The following MGAT5 variants were observed in gnomAD, a reference collection of about 807,000 sequenced individuals.
The protein encoded by MGAT5 is alpha-1,6-mannosylglycoprotein 6-beta-N-acetylglucosaminyltransferase, also known as alpha-1,6-mannosylglycoprotein 6-beta-N-acetylglucosaminyltransferase A.
A neutral mutation model predicts 94.3 loss-of-function variants in MGAT5; 30 were observed. The ratio of observed to expected loss-of-function variants is 0.32; its 90% confidence interval spans 0.24 to 0.43. MGAT5 has a LOEUF of 0.43. Ranked by LOEUF, MGAT5 falls within the 20% of genes least tolerant of loss-of-function variation. MGAT5 has a pLI of 1.00. For synonymous variants in MGAT5, 310 were observed against 322.9 expected (o/e 0.96, Z 0.43); for missense variants, 691 against 905.5 (o/e 0.76, Z 3.04).
chr2:134,194,553 T>G (rs1679403345), intron 1 of MGAT5, among the ~76,000 whole-genome samples: 1 of 152,178 alleles, frequency 6.6e-6, no homozygotes, highest in African/African-American at 2.4e-5. Context: ...TAATAATAAG[T>G]GTTCGAATCA....
chr2:134,198,783 A>G (rs972460681), intron 1 of MGAT5, among the ~76,000 whole-genome samples: 4 of 152,188 alleles, frequency 2.6e-5, no homozygotes, highest in Non-Finnish European at 5.9e-5. Context: ...ACTGCTTTGC[A>G]TTCTTCATCT....
At chr2:134,242,859 A>G (rs774230484) in intron 1 of MGAT5, among the ~76,000 whole-genome samples, 1 of 152,208 alleles carries the variant, frequency 6.6e-6, no homozygotes, top group Non-Finnish European at 1.5e-5. Flanking sequence ...ATTATTCTCT[A>G]CAAGTCCTTC....
At chr2:134,336,566 T>C (rs1201044565) in intron 5 of MGAT5, among the ~76,000 whole-genome samples, 1 of 152,128 alleles carries the variant, frequency 6.6e-6, no homozygotes, top group Non-Finnish European at 1.5e-5. Context: ...CTAATAAGGC[T>C]GATGGCAAAT....
chr2:134,269,950 A>G (rs1319919582), intron 1 of MGAT5, among the ~76,000 whole-genome samples: 2 of 152,252 alleles, frequency 1.3e-5, no homozygotes, highest in East Asian at 3.8e-4. Context: ...AACACTTTTT[A>G]AAAAACTGGG....
At chr2:134,351,990 T>C (rs958188646) in intron 9 of MGAT5, among the ~76,000 whole-genome samples, 1 of 152,162 alleles carries the variant, frequency 6.6e-6, no homozygotes, top group African/African-American at 2.4e-5. Context: ...ATTTTTAAAC[T>C]GCACCAAGAT....
chr2:134,318,877 C>T (rs945991187), intron 4 of MGAT5, 138 bp downstream of exon 4: 18 of 533,928 alleles, frequency 3.4e-5, no homozygotes, highest in Middle Eastern at 2.9e-4. Flanking sequence ...CATTACTCTC[C>T]CTACCTCTCC....
intron 1 of MGAT5, among the ~76,000 whole-genome samples, chr2:134,123,777 T>C (rs1045369765): frequency 1.3e-5 from 2 of 152,120 alleles, no homozygotes; most frequent in Admixed American, 1.3e-4. Flanking sequence ...AGGGAGGAAA[T>C]AATTTTATAC....
chr2:134,275,240 T>G (rs1452603420), intron 2 of MGAT5, among the ~76,000 whole-genome samples: 1 of 152,188 alleles, frequency 6.6e-6, no homozygotes, highest in Non-Finnish European at 1.5e-5. Context: ...GGCTTCCTAT[T>G]AAGTTGAGCA....
chr2:134,259,166 G>A (rs1683164220), intron 1 of MGAT5, among the ~76,000 whole-genome samples: 1 of 152,192 alleles, frequency 6.6e-6, no homozygotes, highest in South Asian at 2.1e-4. Context: ...AACTCTGTCA[G>A]TCCAGAGAGG....
intron 4 of MGAT5, among the ~76,000 whole-genome samples, chr2:134,327,610 G>T (rs188752066): frequency 6.6e-6 from 1 of 152,096 alleles, no homozygotes; most frequent in Admixed American, 6.6e-5. Context: ...AGAGCATTGC[G>T]CAATTTAAAA....
At chr2:134,200,252 T>G (rs1679718858) in intron 1 of MGAT5, among the ~76,000 whole-genome samples, 1 of 149,714 alleles carries the variant, frequency 6.7e-6, no homozygotes, top group Admixed American at 6.8e-5. Context: ...GACACCATAG[T>G]GGTCACGCTT....
chr2:134,415,733 C>A (rs1359130865), intron 12 of MGAT5, among the ~76,000 whole-genome samples: 1 of 151,784 alleles, frequency 6.6e-6, no homozygotes, highest in Admixed American at 6.6e-5. Flanking sequence ...TTTTTTTCCT[C>A]GTAGTTGTGC....
chr2:134,432,251 T>C (rs1184536508), intron 14 of MGAT5, among the ~76,000 whole-genome samples: 1 of 152,220 alleles, frequency 6.6e-6, no homozygotes, highest in East Asian at 1.9e-4. Flanking sequence ...CTGTTTCCTG[T>C]AAAGACACTG....
At chr2:134,345,132 G>C in intron 8 of MGAT5, 68 bp downstream of exon 8, 3 of 1,519,678 alleles carry the variant, frequency 2.0e-6, no homozygotes, top group Admixed American at 1.9e-5. Context: ...GCATGGTTGT[G>C]GGTAGAAAAA....
Position 134,386,819 on chromosome 2 carries a change from T to C in MGAT5, c.1381-16169T>C, listed in dbSNP as rs113177723. Among the ~76,000 whole-genome samples the C allele has an allele frequency of 4.5e-4, 68 of 152,304 alleles. 1 individual carries two copies. Among genetic ancestry groups the C allele is most frequent in the African/African-American group, 1.5e-3 (63 of 41,576 alleles). On this transcript the variant is annotated intron_variant, in intron 10 of 15. Coordinates refer to ENST00000281923, the MANE Select transcript of MGAT5 (RefSeq NM_002410.5). Reference sequence around the variant, plus strand: ...GAAAAGGGGATATCTTTGCATTAGATAAAGGGGTAGAGAAGTAGTTCTATA... The same window carrying C: ...GAAAAGGGGATATCTTTGCATTAGACAAAGGGGTAGAGAAGTAGTTCTATA...
At chr2:134,138,781 CATA>C (rs1686534380) in intron 1 of MGAT5, among the ~76,000 whole-genome samples, 1 of 152,108 alleles carries the variant, frequency 6.6e-6, no homozygotes, top group African/African-American at 2.4e-5. Flanking sequence ...GGGTGACTCA[CATA>C]ATAAGCAAGG....
chr2:134,271,409 G>A (rs1684019059), intron 2 of MGAT5, among the ~76,000 whole-genome samples: 2 of 152,106 alleles, frequency 1.3e-5, no homozygotes, highest in African/African-American at 4.8e-5. Context: ...TATACTTTTG[G>A]TGGGTGGTAG....
intron 4 of MGAT5, among the ~76,000 whole-genome samples, chr2:134,331,224 C>CA (rs1201467147): frequency 2.0e-5 from 3 of 152,044 alleles, no homozygotes; most frequent in East Asian, 3.9e-4. Flanking sequence ...GGAGGAATGT[C>CA]AAAAAAACAA....
At chr2:134,248,847 C>T (rs1682428742) in intron 1 of MGAT5, among the ~76,000 whole-genome samples, 1 of 152,010 alleles carries the variant, frequency 6.6e-6, no homozygotes, top group African/African-American at 2.4e-5. Context: ...AATAGGGCCT[C>T]CAGGGATGTT....
Sources: allele counts gnomAD v4.1 joint callset (sites outside exome capture counted in the v4.1 genomes callset), GRCh38; gene constraint gnomAD v4.1.1; transcripts MANE v1.5; gene names NCBI Gene and HGNC (gene_info 2026-07-23, HGNC 2026-07-21).